ARHGAP26: variants seen among roughly 807,000 people sequenced by gnomAD.
ARHGAP26 encodes the protein Rho GTPase activating protein 26.
Under a neutral mutation model 104.8 loss-of-function variants are expected in ARHGAP26, and 38 were observed. The observed-to-expected ratio is 0.36, with a 90% CI of 0.28 to 0.48. The LOEUF is 0.48. Ranked by LOEUF, ARHGAP26 falls within the 20% of genes least tolerant of loss-of-function variation. ARHGAP26 has a pLI of 0.99. For synonymous variants in ARHGAP26, 341 were observed against 340.0 expected, an observed-to-expected ratio of 1.00 and a Z score of -0.03; for missense variants, 704 against 947.9, an observed-to-expected ratio of 0.74 and a Z score of 3.38.
intron 11 of ARHGAP26, among the ~76,000 whole-genome samples, chr5:142,981,849 G>A (rs1168886814): frequency 2.0e-5 from 3 of 152,100 alleles, no homozygotes; most frequent in African/African-American, 2.4e-5. Flanking sequence ...CCCATTCCTT[G>A]CTTTTTAAAC....
At chr5:143,096,533 A>T (rs139563690) in intron 17 of ARHGAP26, among the ~76,000 whole-genome samples, 109 of 152,368 alleles carry the variant, frequency 7.2e-4, no homozygotes, top group African/African-American at 2.5e-3. Context: ...CTTGCAACTC[A>T]GTCGCACAAC....
At chr5:143,027,776 A>G (rs774734287) in intron 12 of ARHGAP26, among the ~76,000 whole-genome samples, 13 of 152,226 alleles carry the variant, frequency 8.5e-5, no homozygotes, top group East Asian at 3.8e-4. Flanking sequence ...GATACTGGCA[A>G]TTGACTAAAT....
At chr5:143,067,331 C>T (rs1207061865) in intron 17 of ARHGAP26, among the ~76,000 whole-genome samples, 1 of 152,176 alleles carries the variant, frequency 6.6e-6, no homozygotes, top group Non-Finnish European at 1.5e-5. Flanking sequence ...CCCTCTTGAC[C>T]TTCCAGTTTC....
At chr5:142,901,794 C>T in intron 6 of ARHGAP26, 141 bp from the exon 7 acceptor site, 1 of 661,832 alleles carries the variant, frequency 1.5e-6, no homozygotes, top group South Asian at 1.9e-5. Flanking sequence ...GTGCCTGGCA[C>T]ACAATTGGTG....
At chr5:142,892,155 A>G (rs1758757209) in intron 5 of ARHGAP26, among the ~76,000 whole-genome samples, 1 of 152,040 alleles carries the variant, frequency 6.6e-6, no homozygotes, top group Admixed American at 6.5e-5. Context: ...TTCTGTGAAC[A>G]TGGCCCATGG....
At chr5:142,867,507 G>A (rs1233712817) in intron 1 of ARHGAP26, among the ~76,000 whole-genome samples, 1 of 152,114 alleles carries the variant, frequency 6.6e-6, no homozygotes, top group Non-Finnish European at 1.5e-5. Context: ...GTTTCTGATT[G>A]GATATGTTCT....
At chr5:142,858,091 GT>G (rs1395871339) in intron 1 of ARHGAP26, among the ~76,000 whole-genome samples, 5 of 138,974 alleles carry the variant, frequency 3.6e-5, no homozygotes, top group Non-Finnish European at 7.4e-5. Context: ...GTGTGTGTGT[GT>G]GTGAGAGAGA....
At chr5:142,785,197 C>T (rs1012824753) in intron 1 of ARHGAP26, among the ~76,000 whole-genome samples, 4 of 152,080 alleles carry the variant, frequency 2.6e-5, no homozygotes, top group East Asian at 1.9e-4. Flanking sequence ...CCCAAAGTGC[C>T]GGGATTCCTT....
At position 143,028,566 on chromosome 5, in the gene ARHGAP26, G is replaced by A. The variant is rs114291381; in HGVS notation, c.1145-8630G>A. Among the ~76,000 whole-genome samples, 431 of 152,204 alleles carry A rather than the reference G, an allele frequency of 2.8e-3. 2 individuals carry two copies. The highest frequency in any genetic ancestry group is 9.5e-3 in the African/African-American group (394 of 41,518). ...TAACATTCTAATATTGGTAATACTA[G>A]GTAATATTGGTCATGATCATGTATT... is the stretch of plus-strand genomic sequence containing the variant. On this transcript the variant is annotated intron_variant, in intron 12 of 22. Coordinates refer to ENST00000645722, the MANE Select transcript of ARHGAP26 (RefSeq NM_001135608.3).
intron 17 of ARHGAP26, among the ~76,000 whole-genome samples, chr5:143,083,712 T>C (rs1359004838): frequency 6.6e-6 from 1 of 152,220 alleles, no homozygotes; most frequent in Non-Finnish European, 1.5e-5. Context: ...TTGCCCAGGC[T>C]GGTCTCAAAC....
intron 20 of ARHGAP26, among the ~76,000 whole-genome samples, chr5:143,183,405 T>C (rs974034610): frequency 5.9e-5 from 9 of 152,154 alleles, no homozygotes; most frequent in Non-Finnish European, 8.8e-5. Flanking sequence ...GTGACCTGCC[T>C]GGTAATAAGC....
chr5:143,151,659 A>G (rs1182871127), intron 20 of ARHGAP26, among the ~76,000 whole-genome samples: 1 of 152,220 alleles, frequency 6.6e-6, no homozygotes, highest in Non-Finnish European at 1.5e-5. Context: ...ATTGCTGAGT[A>G]AAAGAAGTCA....
chr5:143,140,384 C>T (rs139784463), intron 19 of ARHGAP26, among the ~76,000 whole-genome samples: 227 of 152,222 alleles, frequency 1.5e-3, no homozygotes, highest in African/African-American at 3.9e-3. Context: ...ACCTGGAGTA[C>T]GTTACTTTCC....
chr5:143,131,644 T>C (rs1035534225), intron 18 of ARHGAP26, among the ~76,000 whole-genome samples: 1 of 152,200 alleles, frequency 6.6e-6, no homozygotes, highest in Non-Finnish European at 1.5e-5. Context: ...GCCAAATGAA[T>C]GGCTGCTGCA....
intron 1 of ARHGAP26, among the ~76,000 whole-genome samples, chr5:142,807,438 C>T (rs1763192964): frequency 6.6e-6 from 1 of 152,296 alleles, no homozygotes; most frequent in South Asian, 2.1e-4. Flanking sequence ...CCCAGAGGCC[C>T]AGCGCTTCAG....
chr5:142,814,705 C>G (rs2152041241), intron 1 of ARHGAP26, among the ~76,000 whole-genome samples: 1 of 152,322 alleles, frequency 6.6e-6, no homozygotes, highest in East Asian at 1.9e-4. Flanking sequence ...AACCCGCATT[C>G]AGAACCTAGC....
chr5:142,813,414 A>G (rs1312394345), intron 1 of ARHGAP26, among the ~76,000 whole-genome samples: 4 of 152,192 alleles, frequency 2.6e-5, no homozygotes, highest in African/African-American at 7.2e-5. Flanking sequence ...CTGTTTCAGA[A>G]GGAAACCAGA....
chr5:142,984,608 TG>T (rs1160091702), intron 11 of ARHGAP26, among the ~76,000 whole-genome samples: 14 of 152,306 alleles, frequency 9.2e-5, no homozygotes, highest in Admixed American at 6.5e-4. Context: ...TAGATTTGCT[TG>T]ATGAACATAT....
chr5:142,847,362 CT>C (rs34846420), intron 1 of ARHGAP26, among the ~76,000 whole-genome samples: 114 of 145,188 alleles, frequency 7.9e-4, no homozygotes, highest in Non-Finnish European at 6.6e-4. Context: ...ATGGAGATGT[CT>C]TTTTTTTTTT....
Sources: allele counts gnomAD v4.1 joint callset (sites outside exome capture counted in the v4.1 genomes callset), GRCh38; gene constraint gnomAD v4.1.1; transcripts MANE v1.5; gene names NCBI Gene and HGNC (gene_info 2026-07-23, HGNC 2026-07-21).